LDLRAD4: variants seen among roughly 807,000 people sequenced by gnomAD.
The protein encoded by LDLRAD4 is low density lipoprotein receptor class A domain containing 4.
In LDLRAD4, 5 loss-of-function variants were observed where a neutral mutation model predicts 17.0. The ratio of observed to expected loss-of-function variants is 0.29; its 90% confidence interval spans 0.15 to 0.62. The LOEUF is 0.62. LDLRAD4 is among the 20% of genes least tolerant of loss of function. The pLI is 0.84. For missense variants in LDLRAD4, 340 were observed against 424.7 expected (o/e 0.80, Z 1.75); for synonymous variants, 168 against 171.8 (o/e 0.98, Z 0.17).
intron 1 of LDLRAD4, among the ~76,000 whole-genome samples, chr18:13,287,044 A>T (rs1171187795): frequency 6.6e-6 from 1 of 152,144 alleles, no homozygotes; most frequent in Non-Finnish European, 1.5e-5. Flanking sequence ...ATGCGTCTGG[A>T]GGGCAAATGT....
chr18:13,644,277 C>CA (rs1040999636), intron 5 of LDLRAD4, among the ~76,000 whole-genome samples: 28 of 151,878 alleles, frequency 1.8e-4, no homozygotes, highest in Admixed American at 7.9e-4. Flanking sequence ...TCTGCTTACT[C>CA]AGAGTTCTGG....
chr18:13,584,930 T>C (rs1022721568), intron 3 of LDLRAD4, among the ~76,000 whole-genome samples: 1 of 152,256 alleles, frequency 6.6e-6, no homozygotes, highest in South Asian at 2.1e-4. Flanking sequence ...GCTGCCCACG[T>C]AGGCAATTAG....
At chr18:13,283,128 CT>C (rs2045387405) in intron 1 of LDLRAD4, among the ~76,000 whole-genome samples, 1 of 152,206 alleles carries the variant, frequency 6.6e-6, no homozygotes, top group Non-Finnish European at 1.5e-5. Context: ...CTTTTTCTTT[CT>C]GTGCCTCTGG....
intron 3 of LDLRAD4, among the ~76,000 whole-genome samples, chr18:13,599,211 C>G (rs2095131136): frequency 6.6e-6 from 1 of 152,148 alleles, no homozygotes; most frequent in Non-Finnish European, 1.5e-5. Flanking sequence ...GCCACACCCA[C>G]TCAGTGTAGA....
At chr18:13,553,937 A>G (rs2094459628) in intron 3 of LDLRAD4, among the ~76,000 whole-genome samples, 1 of 152,118 alleles carries the variant, frequency 6.6e-6, no homozygotes, top group South Asian at 2.1e-4. Flanking sequence ...TTAATTAGTG[A>G]GTGACCTCCC....
At chr18:13,588,933 C>CT (rs151102496) in intron 3 of LDLRAD4, among the ~76,000 whole-genome samples, 4,388 of 137,888 alleles carry the variant, frequency 0.032, 121 homozygotes, top group African/African-American at 0.068. Context: ...TTCTTTTTTT[C>CT]TTTTTTTTTT....
At chr18:13,450,777 C>T (rs2091782706) in intron 3 of LDLRAD4, among the ~76,000 whole-genome samples, 2 of 152,140 alleles carry the variant, frequency 1.3e-5, no homozygotes, top group South Asian at 4.1e-4. Context: ...GGGAGGCCAC[C>T]ATCATGGGCT....
intron 2 of LDLRAD4, among the ~76,000 whole-genome samples, chr18:13,437,994 A>G (rs9960403): frequency 0.24 from 36,306 of 152,206 alleles, 9,175 homozygotes; most frequent in East Asian, 0.8. Context: ...AGTGCCGTAG[A>G]GTGAGGCGTG....
intron 1 of LDLRAD4, among the ~76,000 whole-genome samples, chr18:13,363,058 T>C (rs1017802157): frequency 2.6e-5 from 4 of 151,996 alleles, no homozygotes; most frequent in South Asian, 4.1e-4. Flanking sequence ...GGACCAGGCG[T>C]GGTGGCTCAC....
Position 13,229,633 on chromosome 18 carries a change from G to A in LDLRAD4, c.-467+10645G>A, listed in dbSNP as rs144985010. ...CGTCTTGAACTAAGCAGTTTTTCAA[G>A]AAAGGCTTTAGATGTGGAGGAGAGT... is the stretch of plus-strand genomic sequence containing the variant. On this transcript the variant is annotated intron_variant, in intron 1 of 5. Transcript: ENST00000399848. Among the ~76,000 whole-genome samples the A allele has an allele frequency of 6.5e-3, 994 of 152,338 alleles. 4 individuals are homozygous for A. Among genetic ancestry groups the A allele is most frequent in the Middle Eastern group, 0.02 (6 of 294 alleles).
At chr18:13,545,534 C>T (rs1224393543) in intron 3 of LDLRAD4, among the ~76,000 whole-genome samples, 7 of 152,046 alleles carry the variant, frequency 4.6e-5, no homozygotes, top group Admixed American at 4.6e-4. Context: ...TGCTGGGATC[C>T]ACTAATGGCT....
At chr18:13,359,103 T>TCC (rs2083509782) in intron 1 of LDLRAD4, among the ~76,000 whole-genome samples, 1 of 152,222 alleles carries the variant, frequency 6.6e-6, no homozygotes, top group African/African-American at 2.4e-5. Flanking sequence ...TGCACGTGGT[T>TCC]ACTCCATGGA....
At chr18:13,485,682 A>G (rs1205540445) in intron 3 of LDLRAD4, among the ~76,000 whole-genome samples, 1 of 152,162 alleles carries the variant, frequency 6.6e-6, no homozygotes, top group Non-Finnish European at 1.5e-5. Flanking sequence ...TTATCCCTAT[A>G]TGTCACATAG....
At chr18:13,610,982 A>G (rs2039500253) in intron 3 of LDLRAD4, 1 of 153,572 alleles carries the variant, frequency 6.5e-6, no homozygotes, top group African/African-American at 2.4e-5. Context: ...CCTTGCTGAA[A>G]TTCTCTGGTT....
chr18:13,432,624 C>T (rs2090417849), intron 2 of LDLRAD4, among the ~76,000 whole-genome samples: 1 of 152,192 alleles, frequency 6.6e-6, no homozygotes, highest in Admixed American at 6.5e-5. Flanking sequence ...GAGATGAGTT[C>T]TTTGCAGTCA....
rs143681372 is a variant in LDLRAD4, at chr18:13,446,935, A to G, written c.181+8551A>G. 1.5e-3 allele frequency among the ~76,000 whole-genome samples: 223 copies of G among 152,220 alleles called. 1 individual carries two copies. Among genetic ancestry groups the G allele is most frequent in the African/African-American group, 5.0e-3 (207 of 41,536 alleles). ...TGGCATTCAGCAGATTGGACTTCCC[A>G]TGTTGACGTTGCTGACTGCAGGGGG... On this transcript the variant is annotated intron_variant, in intron 3 of 5. Coordinates refer to ENST00000359446, the Ensembl canonical transcript of LDLRAD4.
chr18:13,262,408 G>T (rs1471913141), intron 1 of LDLRAD4, among the ~76,000 whole-genome samples: 7 of 127,062 alleles, frequency 5.5e-5, no homozygotes, highest in East Asian at 5.2e-4. Flanking sequence ...CTCTGTGCGT[G>T]GGGGCTGAGT....
At chr18:13,529,322 A>T (rs1284337070) in intron 3 of LDLRAD4, among the ~76,000 whole-genome samples, 1 of 152,166 alleles carries the variant, frequency 6.6e-6, no homozygotes, top group Admixed American at 6.5e-5. Context: ...CACATTCCAA[A>T]GGGAAAGGTA....
At chr18:13,561,738 A>T (rs944962847) in intron 3 of LDLRAD4, 6 of 152,168 alleles carry the variant, frequency 3.9e-5, no homozygotes, top group Non-Finnish European at 2.9e-5. Context: ...ATGTTGTGGG[A>T]TATGGAGCAT....
Sources: allele counts gnomAD v4.1 joint callset (sites outside exome capture counted in the v4.1 genomes callset), GRCh38; gene constraint gnomAD v4.1.1; transcripts MANE v1.5; gene names NCBI Gene and HGNC (gene_info 2026-07-23, HGNC 2026-07-21).